ABLIM2: variants seen among roughly 807,000 people sequenced by gnomAD.
The protein encoded by ABLIM2 is actin-binding LIM protein 2.
In ABLIM2, 53 loss-of-function variants were observed where a neutral mutation model predicts 97.7. The observed-to-expected ratio is 0.54, with a 90% CI of 0.44 to 0.68. The LOEUF (loss-of-function observed/expected upper bound fraction) is 0.68. Among genes scored for constraint, ABLIM2 ranks in the 30% least tolerant of loss-of-function variants. The pLI is 0.00. For synonymous variants in ABLIM2, 361 were observed against 345.8 expected (o/e 1.04, Z -0.49); for missense variants, 835 against 867.2 (o/e 0.96, Z 0.47).
intron 1 of ABLIM2, among the ~76,000 whole-genome samples, chr4:8,151,198 G>A (rs567169232): frequency 6.6e-6 from 1 of 152,298 alleles, no homozygotes; most frequent in East Asian, 1.9e-4. Flanking sequence ...CATCTTCTGA[G>A]GCACCCAGAC....
At chr4:8,026,416 G>C (rs1252497829) in intron 12 of ABLIM2, among the ~76,000 whole-genome samples, 1 of 152,218 alleles carries the variant, frequency 6.6e-6, no homozygotes, top group Non-Finnish European at 1.5e-5. Flanking sequence ...AGTAGGCCAC[G>C]GGGCCCGCCC....
chr4:8,070,322 C>G (rs532335715), intron 6 of ABLIM2, among the ~76,000 whole-genome samples: 1 of 151,238 alleles, frequency 6.6e-6, no homozygotes, highest in Non-Finnish European at 1.5e-5. Context: ...TGTATCTGCA[C>G]GTGTGCAAAA....
At chr4:8,016,043 ATTTTTTTTT>A (rs4006048) in intron 14 of ABLIM2, among the ~76,000 whole-genome samples, 1 of 111,128 alleles carries the variant, frequency 9.0e-6, no homozygotes, top group Non-Finnish European at 1.7e-5. Context: ...TTGTTGTTGT[ATTTTTTTTT>A]TTTTTTTTTT....
chr4:8,134,143 C>A (rs979521058), intron 1 of ABLIM2, among the ~76,000 whole-genome samples: 1 of 152,160 alleles, frequency 6.6e-6, no homozygotes, highest in African/African-American at 2.4e-5. Context: ...ACAGAGGCTC[C>A]GAGGCCAGGC....
chr4:8,008,927 C>G (rs776629240), intron 15 of ABLIM2, 123 bp downstream of exon 15: 2 of 1,180,576 alleles, frequency 1.7e-6, no homozygotes, highest in Non-Finnish European at 1.2e-6. Context: ...CCTTTGGCCT[C>G]GCAGGGCCCC....
At chr4:8,080,055 G>A (rs1818798736) in intron 5 of ABLIM2, among the ~76,000 whole-genome samples, 1 of 152,184 alleles carries the variant, frequency 6.6e-6, no homozygotes, top group South Asian at 2.1e-4. Flanking sequence ...TCCTGGCCCT[G>A]AGCTGCCTCC....
intron 12 of ABLIM2, among the ~76,000 whole-genome samples, chr4:8,026,889 G>A (rs1473861151): frequency 6.8e-6 from 1 of 147,010 alleles, no homozygotes; most frequent in Admixed American, 6.7e-5. Flanking sequence ...ACCTGAGTGT[G>A]TGTGTCTGCA....
chr4:8,056,305 C>CTTTTTTT (rs71175456), intron 7 of ABLIM2, among the ~76,000 whole-genome samples: 1 of 128,186 alleles, frequency 7.8e-6, no homozygotes, highest in African/African-American at 2.9e-5. Context: ...TTCTTTCTTT[C>CTTTTTTT]TTTTTTTTTT....
chr4:8,158,041 G>A (rs1051151129), intron 1 of ABLIM2, among the ~76,000 whole-genome samples: 1 of 152,244 alleles, frequency 6.6e-6, no homozygotes, highest in African/African-American at 2.4e-5. Flanking sequence ...TTCCAGCCCC[G>A]CACAGAGGCT....
At chr4:7,977,272 C>G (rs1182529347) in intron 20 of ABLIM2, among the ~76,000 whole-genome samples, 2 of 152,166 alleles carry the variant, frequency 1.3e-5, no homozygotes, top group African/African-American at 2.4e-5. Context: ...CCTAGTCATG[C>G]AGAACTGTGA....
Position 7,993,013 on chromosome 4 carries a change from G to A in ABLIM2, c.1619-86C>T. Reference sequence around the variant, plus strand: ...AGCCCTGGGGGGGCTTCCCACCGGGGTGGGCAAGGCTGGGCAAGCAACACA... The same window carrying A: ...AGCCCTGGGGGGGCTTCCCACCGGGATGGGCAAGGCTGGGCAAGCAACACA... On this transcript the variant is annotated intron_variant, in intron 16 of 20. Coordinates refer to ENST00000447017, the MANE Select transcript of ABLIM2 (RefSeq NM_001130083.2). The A allele has an allele frequency of 2.7e-6, 4 of 1,460,834 alleles. No individual in the cohort carries two copies. In the East Asian group the frequency reaches 7.1e-5, roughly 26 times the overall value. 90.5% of individuals were successfully genotyped at this position (1,460,834 alleles called of 1,614,324 possible). A position where few individuals can be genotyped will look rare whatever the true frequency, so the allele number is the denominator to read the frequency against.
intron 6 of ABLIM2, among the ~76,000 whole-genome samples, chr4:8,063,806 A>C (rs1161100813): frequency 1.3e-5 from 2 of 152,184 alleles, no homozygotes; most frequent in African/African-American, 4.8e-5. Context: ...CATTCTCTGT[A>C]CTATAATTCC....
In ABLIM2 at chr4:8,143,164, G is replaced by A. The variant is rs530823593; in HGVS notation, c.10+15516C>T. Among the ~76,000 whole-genome samples the A allele has an allele frequency of 2.7e-5, 4 of 148,946 alleles. 1 individual carries two copies. Among genetic ancestry groups the A allele is most frequent in the Admixed American group, 2.7e-4 (4 of 14,944 alleles). ...ACTGGGAGCGGGGGCGAGAGTGGGGGGGGGGGGCGTCTGCAAATGCATCTC... is the reference window on the plus strand; with the variant it reads ...ACTGGGAGCGGGGGCGAGAGTGGGGAGGGGGGGCGTCTGCAAATGCATCTC... On this transcript the variant is annotated intron_variant, in intron 1 of 20. Transcript: ENST00000447017.
At position 8,140,046 on chromosome 4, in the gene ABLIM2, G is replaced by A. The variant is rs1299080452; in HGVS notation, c.10+18634C>T. ...ATGTTCTCACTTACAAGTGGGAGCT[G>A]AACAGTGAGAACACATGGAAACGGG... On this transcript the variant is annotated intron_variant, in intron 1 of 20. Transcript: ENST00000447017. The surrounding 1 kb of genome is among the most constrained non-coding windows in gnomAD (Gnocchi z 5.9). Among the ~76,000 whole-genome samples the A allele has an allele frequency of 6.9e-6, 1 of 144,304 alleles. No individual in the cohort carries two copies. Among genetic ancestry groups the A allele is most frequent in the East Asian group, 2.1e-4 (1 of 4,848 alleles). The allele number at this position is 144,304 out of a possible 152,430, so 94.7% of individuals were successfully genotyped here.
At chr4:8,041,869 A>C (rs1334917502) in intron 9 of ABLIM2, among the ~76,000 whole-genome samples, 1 of 151,706 alleles carries the variant, frequency 6.6e-6, no homozygotes, top group African/African-American at 2.4e-5. Flanking sequence ...GCACCACTGC[A>C]CTCCAGCCTG....
chr4:8,138,170 GGAGT>G (rs888679047), intron 1 of ABLIM2, among the ~76,000 whole-genome samples: 1 of 152,078 alleles, frequency 6.6e-6, no homozygotes, highest in South Asian at 2.1e-4. Context: ...GGGAGAATGG[GGAGT>G]GAGTGTTTAA....
In ABLIM2 at chr4:8,155,973, C is replaced by T. The variant is rs146275135; in HGVS notation, c.10+2707G>A. On this transcript the variant is annotated intron_variant, in intron 1 of 20. Transcript: ENST00000447017. This position sits in a 1 kb window ranked among gnomAD's most constrained non-coding sequence, Gnocchi z 4.2. ...ATCTCAGACTTCTGGCCTCTAGAAT[C>T]AGCAAAAAAATAAGTGTCTTCTCTT... Among the ~76,000 whole-genome samples the T allele has an allele frequency of 2.3e-3, 353 of 152,222 alleles. 1 individual carries two copies. Among genetic ancestry groups the T allele is most frequent in the Admixed American group, 4.1e-3 (63 of 15,286 alleles).
At position 8,077,635 on chromosome 4, in the gene ABLIM2, A is replaced by T. The variant is rs564363286; in HGVS notation, c.668T>A (p.Val223Glu). ...CCGGCCCGCCGCGCTTACCTCCAGCACGCGCCCCGTGATGTATTTCTCACA... is the reference window on the plus strand; with the variant it reads ...CCGGCCCGCCGCGCTTACCTCCAGCTCGCGCCCCGTGATGTATTTCTCACA... ...DSCEKYITGR[V>E]LEAGEKHYHP... is the part of the protein sequence containing the mutation. Residue 223 changes from valine to glutamate, a missense_variant, in exon 6 of 21, where the codon GTG (valine) becomes GAG (glutamate). Physicochemically the swap from Val to Glu is moderately radical, Grantham distance 121. Transcript: ENST00000447017. 4.3e-6 allele frequency: 7 copies of T among 1,610,382 alleles called. No individual in the cohort carries two copies. The African/African-American group carries it at 5.3e-5, about 12-fold the overall frequency.
Position 8,120,188 on chromosome 4 carries a change from G to T in ABLIM2, c.11-13551C>A, listed in dbSNP as rs1041533058. On this transcript the variant is annotated intron_variant, in intron 1 of 20. Transcript: ENST00000447017. The surrounding 1 kb of genome is among the most constrained non-coding windows in gnomAD (Gnocchi z 5.6). ...CTGCCCCTTCCTCCCAGAAGAGGAC[G>T]TGGCAGGAAGCAAGAGCGGTGCCAG... Among the ~76,000 whole-genome samples, 1 of 152,270 alleles carries T rather than the reference G, an allele frequency of 6.6e-6. No homozygotes were observed. The highest frequency in any genetic ancestry group is 6.5e-5 in the Admixed American group (1 of 15,298).
Sources: gnomAD v4.1 joint callset for allele counts (sites outside exome capture counted in the v4.1 genomes callset) on GRCh38, gnomAD v4.1.1 for gene constraint, Gnocchi (gnomAD v3.1) non-coding constraint, MANE v1.5 for transcripts, NCBI Gene and HGNC (gene_info 2026-07-23, HGNC 2026-07-21) for gene names.